HTT: variants seen among roughly 807,000 people sequenced by gnomAD.
The protein encoded by HTT is huntingtin.
In HTT, 104 loss-of-function variants were observed where a neutral mutation model predicts 362.3. The ratio of observed to expected loss-of-function variants is 0.29; its 90% CI spans 0.24 to 0.34. The LOEUF (loss-of-function observed/expected upper bound fraction) is 0.34, where lower values mean the gene tolerates loss of function less well. HTT is among the 10% of genes least tolerant of loss of function. The pLI is 1.00. For missense variants in HTT, 3,301 were observed against 3,928.6 expected, an observed-to-expected ratio of 0.84 and a Z score of 4.27; for synonymous variants, 1,577 against 1,548.7, an observed-to-expected ratio of 1.02 and a Z score of -0.43.
intron 40 of HTT, among the ~76,000 whole-genome samples, chr4:3,198,767 C>T (rs543715675): frequency 3.9e-5 from 6 of 152,320 alleles, no homozygotes; most frequent in East Asian, 3.9e-4. Flanking sequence ...AGAAATTTGC[C>T]GGTAGAATCT....
At position 3,127,448 on chromosome 4, in the gene HTT, C is replaced by G; in HGVS notation, c.1587C>G (p.Ile529Met). Residue 529 changes from isoleucine (I) to methionine (M), a missense_variant, in exon 12 of 67, where the codon ATC becomes ATG. Physicochemically the swap from Ile to Met is conservative, Grantham distance 10. This residue lies in a region of HTT where 2,316 missense variants were observed against 2,658.5 expected (regional missense o/e 0.87). Coordinates refer to ENST00000355072, the MANE Select transcript of HTT (RefSeq NM_001388492.1). ...CCACTGATGGGGATGAGGAGGATATCTTGAGCCACAGCTCCAGCCAGGTCA... is the reference window on the plus strand; with the variant it reads ...CCACTGATGGGGATGAGGAGGATATGTTGAGCCACAGCTCCAGCCAGGTCA... ...SSATDGDEED[I>M]LSHSSSQVSA... 1 of 1,614,140 alleles carries G rather than the reference C, an allele frequency of 6.2e-7. No individual in the cohort carries two copies. Among genetic ancestry groups the G allele is most frequent in the Non-Finnish European group, 8.5e-7 (1 of 1,180,022 alleles).
At chr4:3,092,377 A>C (rs1204299413) in intron 2 of HTT, among the ~76,000 whole-genome samples, 1 of 152,072 alleles carries the variant, frequency 6.6e-6, no homozygotes, top group African/African-American at 2.4e-5. Flanking sequence ...TATTTTGTTT[A>C]CTTTTTATTA....
rs986159897 is a variant in HTT, at chr4:3,106,234, T to C, written c.608+798T>C. 3.3e-5 allele frequency among the ~76,000 whole-genome samples: 5 copies of C among 152,086 alleles called. No homozygotes were observed. In the South Asian group the frequency reaches 6.2e-4, roughly 19 times the overall value. ...AGCCAGGCATGGTGGTGCGTGCCTGTGGTCACAGCCACTCGAGAGGCTGAG... is the reference window on the plus strand; with the variant it reads ...AGCCAGGCATGGTGGTGCGTGCCTGCGGTCACAGCCACTCGAGAGGCTGAG... On this transcript the variant is annotated intron_variant, in intron 5 of 66. Coordinates refer to ENST00000355072, the MANE Select transcript of HTT (RefSeq NM_001388492.1).
intron 35 of HTT, among the ~76,000 whole-genome samples, chr4:3,179,323 G>C (rs2110238910): frequency 6.6e-6 from 1 of 152,314 alleles, no homozygotes; most frequent in South Asian, 2.1e-4. Flanking sequence ...AGGCATAGGT[G>C]TTTGGTTTCC....
Position 3,140,014 on chromosome 4 carries a change from G to C in HTT, c.2799-496G>C, listed in dbSNP as rs181509146. 3.2e-3 allele frequency among the ~76,000 whole-genome samples: 487 copies of C among 152,274 alleles called. 2 individuals carry two copies. The highest frequency in any genetic ancestry group is 5.6e-3 in the Non-Finnish European group (384 of 68,012). On this transcript the variant is annotated intron_variant, in intron 21 of 66. Coordinates refer to ENST00000355072, the MANE Select transcript of HTT (RefSeq NM_001388492.1). Reference sequence around the variant, plus strand: ...CTCACGCCTGTAATCCAGCACTATGGGGGGCTGAGGTGGGTGGATCACGAG... The same window carrying C: ...CTCACGCCTGTAATCCAGCACTATGCGGGGCTGAGGTGGGTGGATCACGAG...
At chr4:3,225,823 G>A (rs1360628474) in intron 57 of HTT, 80 bp downstream of exon 57, 10 of 934,704 alleles carry the variant, frequency 1.1e-5, no homozygotes, top group Middle Eastern at 2.2e-4. Flanking sequence ...CAGGAGAAAA[G>A]CTCAGTGCAC....
In HTT at chr4:3,239,913, G is replaced by T. The variant is rs1406304135; in HGVS notation, c.9283G>T (p.Ala3095Ser). The change falls in exon 67 of 67, where the codon GCC becomes TCC. Residue 3095 changes from alanine to serine, a missense_variant. Physicochemically the swap from Ala to Ser is moderately conservative, Grantham distance 99. Around this residue, in one of 4 missense-constraint regions of HTT, gnomAD observed 753 missense variants for 1,021.3 expected, o/e 0.74. Coordinates refer to ENST00000355072, the MANE Select transcript of HTT (RefSeq NM_001388492.1). ...QVDVNLFCLV[A>S]TDFYRHQIEE... ...GGACGTGAACCTTTTCTGCCTGGTC[G>T]CCACAGACTTCTACAGACACCAGAT... 3 of 1,575,850 alleles carry T rather than the reference G, an allele frequency of 1.9e-6. No homozygotes were observed. Among genetic ancestry groups the T allele is most frequent in the Non-Finnish European group, 1.7e-6 (2 of 1,159,724 alleles).
rs768047421 is a variant in HTT at position 3,131,647 on chromosome 4, C to T, written c.2108C>T (p.Pro703Leu). ...LLTGGKNVLVPDRDVRVSVKA... is the reference protein window; with the variant it reads ...LLTGGKNVLVLDRDVRVSVKA... ...GGTGATTTCTTGGCAGTGCTGGTTCCGGACAGGGATGTGAGGGTCAGCGTG... is the reference window on the plus strand; with the variant it reads ...GGTGATTTCTTGGCAGTGCTGGTTCTGGACAGGGATGTGAGGGTCAGCGTG... The change falls in exon 16 of 67, where the codon CCG (proline) becomes CTG (leucine). Residue 703 changes from proline (P) to leucine (L), a missense_variant. Physicochemically the swap from Pro to Leu is moderately conservative, Grantham distance 98 (BLOSUM62 -3). Coordinates refer to ENST00000355072, the MANE Select transcript of HTT (RefSeq NM_001388492.1). 4.3e-5 allele frequency: 69 copies of T among 1,612,578 alleles called. No homozygotes were observed. The Middle Eastern group carries it at 5.0e-4, about 12-fold the overall frequency.
At chr4:3,081,191 A>T (rs1192058060) in intron 1 of HTT, among the ~76,000 whole-genome samples, 4 of 152,222 alleles carry the variant, frequency 2.6e-5, no homozygotes, top group Admixed American at 2.0e-4. Flanking sequence ...TCGCATCTTA[A>T]CAATATTGTC....
Position 3,208,805 on chromosome 4 carries a change from TTCG to T in HTT, c.6188_6190del (p.Arg2063del), listed in dbSNP as rs1235287464. 7 of 1,614,052 alleles carry T rather than the reference TTCG, an allele frequency of 4.3e-6. No individual in the cohort carries two copies. Among genetic ancestry groups the T allele is most frequent in the Non-Finnish European group, 5.9e-6 (7 of 1,180,012 alleles). ...AGGCTCTATTCCCTGCTGGACAGGT[TTCG>T]TCTCTCCACCATGCAAGACTCACTT... On this transcript the variant is annotated inframe_deletion, in exon 46 of 67. Coordinates refer to ENST00000355072, the MANE Select transcript of HTT (RefSeq NM_001388492.1).
chr4:3,190,646 T>C (rs866738416), intron 40 of HTT, among the ~76,000 whole-genome samples: 4 of 150,370 alleles, frequency 2.7e-5, no homozygotes, highest in South Asian at 2.1e-4. Context: ...TAGTGAGCCA[T>C]GATCATGCCA....
chr4:3,083,360 A>G (rs958203011), intron 1 of HTT, among the ~76,000 whole-genome samples: 4 of 152,016 alleles, frequency 2.6e-5, no homozygotes, highest in African/African-American at 4.8e-5. Flanking sequence ...CTCTACAAAA[A>G]ACTTTAAAAA....
intron 10 of HTT, among the ~76,000 whole-genome samples, chr4:3,125,069 T>A (rs1261711215): frequency 6.6e-6 from 1 of 152,192 alleles, no homozygotes; most frequent in South Asian, 2.1e-4. Context: ...TAAGTTCTGA[T>A]TGTTAATCAT....
intron 47 of HTT, among the ~76,000 whole-genome samples, chr4:3,210,657 T>G (rs1292901548): frequency 6.6e-6 from 1 of 152,194 alleles, no homozygotes; most frequent in African/African-American, 2.4e-5. Context: ...CAAGCAGGGC[T>G]TCTTCTCAGA....
At position 3,107,373 on chromosome 4, in the gene HTT, C is replaced by T; in HGVS notation, c.697C>T (p.Pro233Ser). 3.1e-6 allele frequency: 5 copies of T among 1,614,136 alleles called. No individual in the cohort carries two copies. The highest frequency in any genetic ancestry group is 4.2e-6 in the Non-Finnish European group (5 of 1,180,022). The change falls in exon 6 of 67, where the codon CCC (proline) becomes TCC (serine). Residue 233 changes from proline (P) to serine (S), a missense_variant. Coordinates refer to ENST00000355072, the MANE Select transcript of HTT (RefSeq NM_001388492.1). ...SVQETLAAAV[P>S]KIMASFGNFA... ...CCAGGAGACCTTGGCTGCAGCTGTT[C>T]CCAAAATTATGGCTTCTTTTGGCAA...
chr4:3,092,929 A>G (rs1713591186), intron 2 of HTT, among the ~76,000 whole-genome samples: 1 of 152,198 alleles, frequency 6.6e-6, no homozygotes, highest in African/African-American at 2.4e-5. Flanking sequence ...ATTTCCTTAC[A>G]TTACTGCCTG....
In HTT at chr4:3,209,872, G is replaced by A. The variant is rs1143648; in HGVS notation, c.6337G>A (p.Asp2113Asn). Residue 2113 changes from aspartate (D) to asparagine (N), a missense_variant, in exon 47 of 67, where the codon GAT (aspartate) becomes AAT (asparagine). By Grantham distance (23) the Asp-to-Asn change is conservative (BLOSUM62 1). This residue lies in a region of HTT where 2,316 missense variants were observed against 2,658.5 expected (regional missense o/e 0.87). Coordinates refer to ENST00000355072, the MANE Select transcript of HTT (RefSeq NM_001388492.1). Reference protein sequence around the residue: ...LVKSQCWTRSDSALLEGAELV... With the variant: ...LVKSQCWTRSNSALLEGAELV... ...CAAATCCCAGTGTTGGACCAGGTCA[G>A]ATTCTGCACTGCTGGAAGGTGCAGA... The A allele has an allele frequency of 1.2e-6, 2 of 1,614,186 alleles. No homozygotes were observed. Among genetic ancestry groups the A allele is most frequent in the South Asian group, 2.2e-5 (2 of 91,076 alleles).
At chr4:3,152,292 G>T (rs1198132635) in intron 26 of HTT, among the ~76,000 whole-genome samples, 2 of 152,060 alleles carry the variant, frequency 1.3e-5, no homozygotes, top group African/African-American at 4.8e-5. Context: ...TAGAGACGGG[G>T]TTTCACCATG....
intron 21 of HTT, among the ~76,000 whole-genome samples, chr4:3,139,857 T>TTACTTGTTGA (rs143579322): frequency 2.2e-4 from 34 of 152,282 alleles, no homozygotes; most frequent in African/African-American, 7.7e-4. Context: ...TGTTCAGCAC[T>TTACTTGTTGA]TGTTGATCAG....
Sources: allele counts gnomAD v4.1 joint callset (sites outside exome capture counted in the v4.1 genomes callset), GRCh38; gene constraint gnomAD v4.1.1; regional missense constraint gnomAD v4.1.1; transcripts MANE v1.5; gene names NCBI Gene and HGNC (gene_info 2026-07-23, HGNC 2026-07-21).